Variants in MIR17HG observed in about 807,000 individuals in gnomAD.
MIR17HG encodes the protein miR-17-92a-1 cluster host gene, also known as MIR17 host gene (non-protein coding).
At chr13:91,351,009 G>T (rs1396921546) in intron 3 of MIR17HG, 1 of 529,128 alleles carries the variant, frequency 1.9e-6, no homozygotes. Context: ...CTAATTTTGT[G>T]TACTTTTATT....
chr13:91,350,608 A>G, intron 3 of MIR17HG: 1 of 534,458 alleles, frequency 1.9e-6, no homozygotes, highest in South Asian at 1.4e-5. Context: ...GTGACCAGTC[A>G]GAATAATGTC....
intron 3 of MIR17HG, chr13:91,350,602 C>G (rs1018383648): frequency 1.9e-6 from 1 of 534,234 alleles, no homozygotes; most frequent in Non-Finnish European, 3.8e-6. Context: ...AAGATTGTGA[C>G]CAGTCAGAAT....
chr13:91,352,899 A>G (rs976411782), intron 3 of MIR17HG, among the ~76,000 whole-genome samples: 6 of 152,010 alleles, frequency 3.9e-5, no homozygotes, highest in Admixed American at 2.0e-4. Context: ...ACCTGAGGTC[A>G]GGAGTTCGAG....
At chr13:91,351,487 ATG>A (rs1344328732) in intron 3 of MIR17HG, 1 of 402,554 alleles carries the variant, frequency 2.5e-6, no homozygotes, top group South Asian at 1.9e-5. Context: ...ATTAAAGAAA[ATG>A]TGTAACTTTT....
intron 3 of MIR17HG, among the ~76,000 whole-genome samples, chr13:91,353,109 CAAA>C (rs549062236): frequency 0.26 from 7,276 of 27,782 alleles, 99 homozygotes; most frequent in East Asian, 0.36. Context: ...GACTTAAACG[CAAA>C]AAAAAAAAAA....
rs752695760 is a variant in MIR17HG, at chr13:91,351,148, T to A, written n.284+922T>A. 1.1e-5 allele frequency: 6 copies of A among 523,954 alleles called. No homozygotes were observed. In the East Asian group the frequency reaches 3.3e-4, roughly 29 times the overall value. The allele number at this position is 523,954 out of a possible 1,614,324, so 32.5% of individuals were successfully genotyped here. A position where few individuals can be genotyped will look rare whatever the true frequency, so the allele number is the denominator to read the frequency against. Reference sequence around the variant, plus strand: ...CTTAAAGTACTGCTAGCTGTAGAACTCCAGCTTCGGCCTGTCGCCCAATCA... The same window carrying A: ...CTTAAAGTACTGCTAGCTGTAGAACACCAGCTTCGGCCTGTCGCCCAATCA... On this transcript the variant is annotated intron_variant and non_coding_transcript_variant, in intron 3 of 3. Transcript: ENST00000400282.
intron 1 of MIR17HG, among the ~76,000 whole-genome samples, chr13:91,349,166 C>T (rs1178169984): frequency 6.6e-6 from 1 of 152,072 alleles, no homozygotes; most frequent in Admixed American, 6.5e-5. Context: ...GGGCACTTTG[C>T]AGTCTCGGGT....
intron 3 of MIR17HG, chr13:91,351,951 G>C (rs1310932549): frequency 6.5e-6 from 1 of 153,524 alleles, no homozygotes; most frequent in Non-Finnish European, 1.5e-5. Flanking sequence ...CTGATTGTCA[G>C]TGATTTATAA....
At chr13:91,349,328 C>T (rs988696432) in intron 1 of MIR17HG, among the ~76,000 whole-genome samples, 3 of 151,976 alleles carry the variant, frequency 2.0e-5, no homozygotes, top group Admixed American at 2.0e-4. Context: ...TCCCGGCTTG[C>T]AGCCACGAGG....
exon 4 of MIR17HG, chr13:91,354,344 T>C (rs1424521113): frequency 1.3e-5 from 2 of 152,146 alleles, no homozygotes; most frequent in East Asian, 1.9e-4. Flanking sequence ...ATTAGGAAAA[T>C]GCACATATTC....
intron 3 of MIR17HG, chr13:91,350,479 T>C (rs1875245890): frequency 4.4e-6 from 2 of 453,752 alleles, no homozygotes; most frequent in Non-Finnish European, 9.1e-6. Context: ...TTCTTCCCCA[T>C]TAGGGATTAT....
At chr13:91,353,441 A>G (rs563745124) in intron 3 of MIR17HG, among the ~76,000 whole-genome samples, 4 of 152,324 alleles carry the variant, frequency 2.6e-5, no homozygotes, top group Non-Finnish European at 5.9e-5. Flanking sequence ...CTGTGGTTCT[A>G]TAGGGTTTAA....
chr13:91,348,411 A>AGCG (rs1053880380), intron 1 of MIR17HG, among the ~76,000 whole-genome samples: 52 of 146,974 alleles, frequency 3.5e-4, no homozygotes, highest in African/African-American at 7.0e-4. Context: ...TCCAGAACAA[A>AGCG]GCGGCGGCGG....
chr13:91,351,695 T>G (rs768442903), intron 3 of MIR17HG: 1 of 222,374 alleles, frequency 4.5e-6, no homozygotes, highest in Non-Finnish European at 9.5e-6. Context: ...TTGCTTTCTT[T>G]GGAGTTAGTG....
chr13:91,348,161 G>A (rs1480363214), intron 1 of MIR17HG, among the ~76,000 whole-genome samples: 1 of 87,290 alleles, frequency 1.1e-5, no homozygotes, highest in African/African-American at 5.2e-5. Context: ...GCGGGCCGGC[G>A]GAGGGGGGCA....
At chr13:91,349,033 G>GC (rs1875134191) in intron 1 of MIR17HG, among the ~76,000 whole-genome samples, 1 of 151,452 alleles carries the variant, frequency 6.6e-6, no homozygotes, top group African/African-American at 2.4e-5. Flanking sequence ...GGGTTGGGGG[G>GC]GTTGCCGCGT....
chr13:91,353,109 C>CAAAAAAA (rs549062236), intron 3 of MIR17HG, among the ~76,000 whole-genome samples: 3 of 28,858 alleles, frequency 1.0e-4, no homozygotes, highest in Non-Finnish European at 2.0e-4. Context: ...GACTTAAACG[C>CAAAAAAA]AAAAAAAAAA....
intron 1 of MIR17HG, among the ~76,000 whole-genome samples, chr13:91,348,818 A>C (rs1566342311): frequency 6.7e-6 from 1 of 149,118 alleles, no homozygotes; most frequent in Non-Finnish European, 1.5e-5. Flanking sequence ...AGGGCGGGGG[A>C]CATGGCGGCG....
intron 3 of MIR17HG, chr13:91,352,034 C>T (rs1487653465): frequency 6.5e-6 from 1 of 153,116 alleles, no homozygotes; most frequent in Non-Finnish European, 1.5e-5. Flanking sequence ...AGAAAAAGAA[C>T]AAATGCTAAA....
Sources: allele counts gnomAD v4.1 joint callset (sites outside exome capture counted in the v4.1 genomes callset), GRCh38; gene constraint gnomAD v4.1.1; transcripts MANE v1.5; gene names NCBI Gene and HGNC (gene_info 2026-07-23, HGNC 2026-07-21).